The following MGAT4C variants were observed in gnomAD, a reference collection of about 807,000 sequenced individuals.
MGAT4C encodes alpha-1,3-mannosyl-glycoprotein 4-beta-N-acetylglucosaminyltransferase C.
In MGAT4C, 19 loss-of-function variants were observed where a neutral mutation model predicts 40.1. The ratio of observed to expected loss-of-function variants is 0.47; its 90% CI spans 0.33 to 0.70. The LOEUF (loss-of-function observed/expected upper bound fraction) is 0.70, where lower values mean the gene tolerates loss of function less well. Ranked by LOEUF, MGAT4C falls within the 30% of genes least tolerant of loss-of-function variation. The probability of loss-of-function intolerance (pLI) is 0.02; values close to 1 mark genes in which losing one functional copy is unlikely to be tolerated. For synonymous variants in MGAT4C, 181 were observed against 187.1 expected (o/e 0.97, Z 0.27); for missense variants, 491 against 563.2 (o/e 0.87, Z 1.30).
intron 2 of MGAT4C, among the ~76,000 whole-genome samples, chr12:86,018,126 C>A (rs2136850377): frequency 6.6e-6 from 1 of 152,234 alleles, no homozygotes; most frequent in Middle Eastern, 3.4e-3. Flanking sequence ...GATCTCAGTT[C>A]TTTTCCTTCA....
intron 1 of MGAT4C, among the ~76,000 whole-genome samples, chr12:86,094,372 T>C (rs2135578332): frequency 6.6e-6 from 1 of 152,326 alleles, no homozygotes; most frequent in African/African-American, 2.4e-5. Context: ...GAAGTTGTCA[T>C]GCATAAATTA....
intron 2 of MGAT4C, among the ~76,000 whole-genome samples, chr12:86,507,481 A>G (rs899948018): frequency 1.5e-4 from 23 of 152,184 alleles, no homozygotes; most frequent in African/African-American, 5.5e-4. Context: ...GACTTTAAAT[A>G]AGATGAGTGT....
chr12:86,711,169 C>A (rs1950549827), intron 2 of MGAT4C, among the ~76,000 whole-genome samples: 1 of 151,808 alleles, frequency 6.6e-6, no homozygotes, highest in Middle Eastern at 3.4e-3. Flanking sequence ...CACGTGTACC[C>A]CCCAAAAATT....
chr12:86,172,280 T>C (rs1000770813), intron 1 of MGAT4C, among the ~76,000 whole-genome samples: 7 of 152,148 alleles, frequency 4.6e-5, no homozygotes, highest in African/African-American at 1.7e-4. Context: ...TGGGAAATAT[T>C]ATTTTCACCA....
At chr12:86,699,734 A>C (rs73177467) in intron 2 of MGAT4C, among the ~76,000 whole-genome samples, 1 of 152,294 alleles carries the variant, frequency 6.6e-6, no homozygotes, top group Non-Finnish European at 1.5e-5. Context: ...CTTACAACAA[A>C]ATAAGGTAGA....
intron 2 of MGAT4C, among the ~76,000 whole-genome samples, chr12:86,695,934 G>A (rs541841202): frequency 1.1e-4 from 16 of 152,134 alleles, no homozygotes; most frequent in South Asian, 2.1e-4. Context: ...AATATAGGCC[G>A]GGCGTGGTGG....
At chr12:85,983,700 A>G (rs1884885640) in intron 3 of MGAT4C, 30 bp from the exon 4 acceptor site, 5 of 1,484,750 alleles carry the variant, frequency 3.4e-6, no homozygotes, top group Non-Finnish European at 4.5e-6. Flanking sequence ...CAAGGAAAAT[A>G]TATAAATAAT....
chr12:86,121,434 C>T (rs1879360343), intron 1 of MGAT4C, among the ~76,000 whole-genome samples: 1 of 152,042 alleles, frequency 6.6e-6, no homozygotes, highest in Non-Finnish European at 1.5e-5. Context: ...AACTCCAAGA[C>T]ACATAATTGT....
chr12:86,515,396 A>C (rs1242089914), intron 2 of MGAT4C, among the ~76,000 whole-genome samples: 3 of 152,216 alleles, frequency 2.0e-5, no homozygotes, highest in Non-Finnish European at 4.4e-5. Flanking sequence ...TACAGAATTT[A>C]AAAAGCATAT....
intron 1 of MGAT4C, among the ~76,000 whole-genome samples, chr12:86,765,240 G>A (rs546156187): frequency 1.2e-4 from 18 of 152,328 alleles, no homozygotes; most frequent in African/African-American, 4.1e-4. Flanking sequence ...AGGAGCTAAT[G>A]CAATCAACTG....
At chr12:86,795,208 C>T (rs1952093913) in intron 1 of MGAT4C, among the ~76,000 whole-genome samples, 1 of 151,824 alleles carries the variant, frequency 6.6e-6, no homozygotes, top group South Asian at 2.1e-4. Context: ...ATTCTAATTA[C>T]AATCTTATTG....
At chr12:86,049,380 G>A (rs1442163335) in intron 2 of MGAT4C, among the ~76,000 whole-genome samples, 1 of 151,806 alleles carries the variant, frequency 6.6e-6, no homozygotes, top group Non-Finnish European at 1.5e-5. Context: ...AGTTGTATTA[G>A]AATGTTTTGC....
At chr12:86,388,285 T>C (rs1046977173) in intron 3 of MGAT4C, among the ~76,000 whole-genome samples, 6 of 152,130 alleles carry the variant, frequency 3.9e-5, no homozygotes, top group Admixed American at 2.6e-4. Context: ...ATAAAAGTGA[T>C]AAACAAGTAC....
intron 2 of MGAT4C, among the ~76,000 whole-genome samples, chr12:86,497,772 T>C (rs1038024240): frequency 6.7e-6 from 1 of 149,894 alleles, no homozygotes; most frequent in Non-Finnish European, 1.5e-5. Flanking sequence ...CCAATTAGCA[T>C]GGTGATGCTT....
At chr12:86,643,968 A>T (rs914349593) in intron 2 of MGAT4C, among the ~76,000 whole-genome samples, 1 of 151,752 alleles carries the variant, frequency 6.6e-6, no homozygotes, top group Non-Finnish European at 1.5e-5. Context: ...AATTTAATAC[A>T]TTATAGGTGG....
rs1565805450 is a variant in MGAT4C, at chr12:85,979,712, A to G, written c.1014T>C (p.Pro338=). 5 of 1,613,534 alleles carry G rather than the reference A, an allele frequency of 3.1e-6. No individual in the cohort carries two copies. Among genetic ancestry groups the G allele is most frequent in the Non-Finnish European group, 4.2e-6 (5 of 1,179,806 alleles). ...TGTACAGACTTGCAGGGGGGTTATC[A>G]GGAATGTCAAATGACTCCTCTTCAA... The part of the protein sequence containing the change: ...DDFEEESFDI[P]DNPPASLYTN... Residue 338 remains proline, a synonymous_variant, in exon 5 of 5, where the codon CCT becomes CCC. Coordinates refer to ENST00000611864, the MANE Select transcript of MGAT4C (RefSeq NM_001351288.2).
chr12:86,640,208 A>G (rs911910558), intron 2 of MGAT4C, among the ~76,000 whole-genome samples: 2 of 151,790 alleles, frequency 1.3e-5, no homozygotes, highest in Admixed American at 6.6e-5. Context: ...CCCACCATAT[A>G]TAAGTATTTT....
chr12:86,587,910 T>C (rs958067583), intron 2 of MGAT4C, among the ~76,000 whole-genome samples: 6 of 152,044 alleles, frequency 3.9e-5, no homozygotes, highest in African/African-American at 1.2e-4. Context: ...ACAATTTGAC[T>C]TCCTCTTTTC....
intron 3 of MGAT4C, among the ~76,000 whole-genome samples, chr12:86,378,405 C>A (rs1201218072): frequency 6.6e-6 from 1 of 152,050 alleles, no homozygotes; most frequent in Non-Finnish European, 1.5e-5. Flanking sequence ...TTAGCTAATT[C>A]ATAAGAATCT....
Sources: allele counts gnomAD v4.1 joint callset (sites outside exome capture counted in the v4.1 genomes callset), GRCh38; gene constraint gnomAD v4.1.1; transcripts MANE v1.5; gene names NCBI Gene and HGNC (gene_info 2026-07-23, HGNC 2026-07-21).